Variants in ELP5 observed in about 807,000 individuals in gnomAD.
ELP5 encodes the protein elongator acetyltransferase complex subunit 5, also known as elongator complex protein 5.
In ELP5, 34 loss-of-function variants were observed where a neutral mutation model predicts 33.4. The ratio of observed to expected loss-of-function variants is 1.02; its 90% CI spans 0.78 to 1.36. The LOEUF (loss-of-function observed/expected upper bound fraction) is 1.36, where lower values mean the gene tolerates loss of function less well. Ranked by LOEUF, ELP5 falls within the 40% of genes most tolerant of loss-of-function variation. The pLI, the probability that ELP5 is intolerant of heterozygous loss-of-function variation, is 0.00. For missense variants in ELP5, 373 were observed against 371.7 expected (o/e 1.00, Z -0.03); for synonymous variants, 161 against 146.4 (o/e 1.10, Z -0.72).
Position 7,258,644 on chromosome 17 carries a change from T to C in ELP5, c.648T>C (p.Ser216=), listed in dbSNP as rs1227776298. Residue 216 remains serine, a synonymous_variant, in exon 6 of 8, where the codon TCT becomes TCC. Transcript: ENST00000396628. ...GCCTGGATCTCCAAGAGGGGCCCTC[T>C]GTAGAGTCCCAGCCCTACTCCGATC... ...DFSLDLQEGP[S]VESQPYSDPH... The C allele has an allele frequency of 6.2e-7, 1 of 1,614,034 alleles. No homozygotes were observed. Among genetic ancestry groups the C allele is most frequent in the African/African-American group, 1.3e-5 (1 of 74,906 alleles).
chr17:7,254,937 C>CT, intron 4 of ELP5, 134 bp downstream of exon 4: 22 of 611,716 alleles, frequency 3.6e-5, no homozygotes, highest in African/African-American at 6.5e-5. Context: ...ACTTTTTTGT[C>CT]TGTTTTTTTT....
intron 3 of ELP5, among the ~76,000 whole-genome samples, chr17:7,253,905 G>C (rs2072011948): frequency 6.6e-6 from 1 of 151,838 alleles, no homozygotes; most frequent in African/African-American, 2.4e-5. Flanking sequence ...GCTGAGGCAG[G>C]AGAATCGCTT....
chr17:7,251,923 C>G (rs1467189763), upstream of ELP5: 1 of 158,422 alleles, frequency 6.3e-6, no homozygotes, highest in African/African-American at 2.4e-5. Flanking sequence ...GGGGCTGCAG[C>G]CTCTGCAGCT....
intron 4 of ELP5, among the ~76,000 whole-genome samples, chr17:7,256,537 C>A (rs1234169647): frequency 1.3e-5 from 2 of 152,184 alleles, no homozygotes; most frequent in Non-Finnish European, 2.9e-5. Context: ...CCAGAAACTA[C>A]AAGTACTTCC....
At chr17:7,259,337 G>T in intron 7 of ELP5, 2 of 1,399,936 alleles carry the variant, frequency 1.4e-6, no homozygotes, top group Non-Finnish European at 1.9e-6. Context: ...CAAGATCCTT[G>T]CCCTCAAGCT....
intron 6 of ELP5, 47 bp from the exon 7 acceptor site, chr17:7,258,779 G>T (rs776104705): frequency 1.9e-6 from 3 of 1,614,132 alleles, no homozygotes; most frequent in African/African-American, 2.7e-5. Flanking sequence ...GGTGGGGTCA[G>T]GGATTCTAGG....
chr17:7,258,770 G>A (rs771182258), intron 6 of ELP5, 56 bp from the exon 7 acceptor site: 1 of 1,614,118 alleles, frequency 6.2e-7, no homozygotes, highest in South Asian at 1.1e-5. Flanking sequence ...GAGGTTGGGG[G>A]TGGGGTCAGG....
chr17:7,252,451 G>A lies in ELP5; in HGVS notation c.-100G>A. The stretch of plus-strand genomic sequence containing the variant: ...ACTATGTTAGGTCTTAATGGTGGGA[G>A]GACGCCCGAGTGCTCGGCCCGTTTC... On this transcript the variant is annotated 5_prime_UTR_variant, in exon 1 of 8. Coordinates refer to ENST00000396628, the MANE Select transcript of ELP5 (RefSeq NM_203414.3). 1.9e-6 allele frequency: 3 copies of A among 1,560,088 alleles called. No homozygotes were observed. The highest frequency in any genetic ancestry group is 2.6e-6 in the Non-Finnish European group (3 of 1,137,824).
chr17:7,259,418 C>T lies in ELP5; in HGVS notation c.789-153C>T, dbSNP rs894876384. The T allele has an allele frequency of 2.7e-6, 4 of 1,455,022 alleles. No homozygotes were observed. The Admixed American group carries it at 1.1e-4, about 39-fold the overall frequency. The allele number at this position is 1,455,022 out of a possible 1,614,324, so 90.1% of individuals were successfully genotyped here. ...ATCCCAGTACCAAATGGTGCTTCAG[C>T]TCTAACATGGAGGTCAGAGAAAGGG... is the stretch of plus-strand genomic sequence containing the variant. On this transcript the variant is annotated intron_variant, in intron 7 of 7. Coordinates refer to ENST00000396628, the MANE Select transcript of ELP5 (RefSeq NM_203414.3).
At position 7,252,635 on chromosome 17, in the gene ELP5, G is replaced by A. The variant is rs9902676; in HGVS notation, c.46+39G>A. ...GCACGGTGGCGGGGCGGGGGGTGCG[G>A]TTCGGGCCTGGCTGAGGGGACGGAA... On this transcript the variant is annotated intron_variant, in intron 1 of 7. Coordinates refer to ENST00000396628, the MANE Select transcript of ELP5 (RefSeq NM_203414.3). 0.019 allele frequency: 29,709 copies of A among 1,604,538 alleles called. 4,013 individuals are homozygous for A. In the African/African-American group the frequency reaches 0.32, roughly 17 times the overall value.
upstream of ELP5, chr17:7,252,119 G>A: frequency 3.0e-6 from 1 of 331,692 alleles, no homozygotes; most frequent in South Asian, 2.5e-5. Flanking sequence ...TCCAAGCGAG[G>A]CTGCAGTATT....
rs1318871889 is a variant in ELP5, at chr17:7,256,900, A to G, written c.453A>G (p.Leu151=). 3 of 1,614,164 alleles carry G rather than the reference A, an allele frequency of 1.9e-6. No homozygotes were observed. The highest frequency in any genetic ancestry group is 1.1e-5 in the South Asian group (1 of 91,080). ...SVGKVSVLGL[L]HEELHGPGPV... is the part of the protein sequence containing the mutation. ...GGAAAGTGAGTGTGCTGGGCTTGCTACATGAAGAGCTTCATGGACCAGGCC... is the reference window on the plus strand; with the variant it reads ...GGAAAGTGAGTGTGCTGGGCTTGCTGCATGAAGAGCTTCATGGACCAGGCC... Residue 151 remains leucine, a synonymous_variant, in exon 5 of 8, where the codon CTA becomes CTG. Coordinates refer to ENST00000396628, the MANE Select transcript of ELP5 (RefSeq NM_203414.3).
chr17:7,252,619 C>T (rs757595681), intron 1 of ELP5, 23 bp downstream of exon 1: 4 of 1,606,948 alleles, frequency 2.5e-6, no homozygotes, highest in Non-Finnish European at 2.5e-6. Context: ...GGCACGGTGG[C>T]GGGGCGGGGG....
chr17:7,258,758 C>T, intron 6 of ELP5, 68 bp from the exon 7 acceptor site: 2 of 1,614,026 alleles, frequency 1.2e-6, no homozygotes, highest in Non-Finnish European at 1.7e-6. Context: ...ATAAAAGCTG[C>T]AGAGGTTGGG....
Position 7,252,258 on chromosome 17 carries a change from T to TCCTCCC in ELP5, c.-286_-281dup, listed in dbSNP as rs2071949647. On this transcript the variant is annotated 5_prime_UTR_variant, in exon 1 of 8. Transcript: ENST00000396628. ...GCCCTCGCGGGGGGCTTGTGGGTCCTCCTCCCCCTCCCACTGACAACTGCC... is the reference window on the plus strand; with the variant it reads ...GCCCTCGCGGGGGGCTTGTGGGTCCTCCTCCCCCTCCCCCTCCCACTGACAACTGCC... 1 of 502,564 alleles carries TCCTCCC rather than the reference T, an allele frequency of 2.0e-6. No individual in the cohort carries two copies. Among genetic ancestry groups the TCCTCCC allele is most frequent in the African/African-American group, 2.0e-5 (1 of 51,076 alleles). 31.1% of individuals were successfully genotyped at this position (502,564 alleles called of 1,614,324 possible).
At chr17:7,259,527 A>T in intron 7 of ELP5, 44 bp from the exon 8 acceptor site, 2 of 1,612,190 alleles carry the variant, frequency 1.2e-6, no homozygotes, top group Non-Finnish European at 1.7e-6. Context: ...ATCCAGACCC[A>T]ACCTGTTAGC....
chr17:7,252,105 G>A (rs1323571824), upstream of ELP5: 2 of 310,516 alleles, frequency 6.4e-6, no homozygotes, highest in Non-Finnish European at 1.2e-5. Flanking sequence ...AAAGCCAAAA[G>A]CACTCCAAGC....
At chr17:7,254,440 GCT>G (rs1491408742) in intron 3 of ELP5, 141 bp from the exon 4 acceptor site, 1 of 662,792 alleles carries the variant, frequency 1.5e-6, no homozygotes, top group Non-Finnish European at 2.5e-6. Context: ...ATCACTGTAT[GCT>G]CTCTCTCAGT....
intron 5 of ELP5, among the ~76,000 whole-genome samples, chr17:7,257,523 C>A (rs773974600): frequency 1.3e-5 from 2 of 151,262 alleles, no homozygotes; most frequent in African/African-American, 4.8e-5. Flanking sequence ...TTTGACCTCC[C>A]ATGTTCAAGT....
Sources: gnomAD v4.1 joint callset for allele counts (sites outside exome capture counted in the v4.1 genomes callset) on GRCh38, gnomAD v4.1.1 for gene constraint, MANE v1.5 for transcripts, NCBI Gene and HGNC (gene_info 2026-07-23, HGNC 2026-07-21) for gene names.